The following ZC3H12B variants were observed in gnomAD, a reference collection of about 807,000 sequenced individuals.
ZC3H12B encodes the protein probable ribonuclease ZC3H12B.
Under a neutral mutation model 43.9 loss-of-function variants are expected in ZC3H12B, and 7 were observed. That is an observed-to-expected ratio of 0.16 (90% CI 0.09 to 0.30). ZC3H12B has a LOEUF of 0.30. ZC3H12B is among the 10% of genes least tolerant of loss of function. ZC3H12B has a pLI of 1.00. For synonymous variants in ZC3H12B, 222 were observed against 241.7 expected, an observed-to-expected ratio of 0.92 and a Z score of 0.76; for missense variants, 475 against 670.2, an observed-to-expected ratio of 0.71 and a Z score of 3.22.
the ZC3H12B span, among the ~76,000 whole-genome samples, chrX:65,274,941 G>C: frequency 1.2e-4 from 13 of 112,113 alleles, no homozygotes; most frequent in Non-Finnish European, 1.9e-4. Flanking sequence ...TCCAAGACCT[G>C]AGAAATAGAT....
At chrX:65,177,203 G>T in the ZC3H12B span, among the ~76,000 whole-genome samples, 6 of 111,986 alleles carry the variant, frequency 5.4e-5, no homozygotes, top group Non-Finnish European at 1.1e-4. Flanking sequence ...ATAGATGCAG[G>T]AAAGGCCTTC....
At chrX:65,212,818 G>C in the ZC3H12B span, among the ~76,000 whole-genome samples, 1 of 102,890 alleles carries the variant, frequency 9.7e-6, no homozygotes, top group Non-Finnish European at 2.0e-5. Context: ...TATCTGGTTT[G>C]CTCAACATTG....
In ZC3H12B at chrX:65,500,755, T is replaced by A. The variant is rs760954909; in HGVS notation, c.1090+766T>A. 1.3e-4 allele frequency among the ~76,000 whole-genome samples: 14 copies of A among 109,971 alleles called. No homozygotes were observed. In the East Asian group the frequency reaches 1.7e-3, roughly 13 times the overall value. On this transcript the variant is annotated intron_variant, in intron 4 of 4. Coordinates refer to ENST00000338957, the Ensembl canonical transcript of ZC3H12B. ...CTTTCCAGTTTTTGTTTTTTTTTTTTAAATAAATATAGTTTTCTAGAGTGT... is the reference window on the plus strand; with the variant it reads ...CTTTCCAGTTTTTGTTTTTTTTTTTAAAATAAATATAGTTTTCTAGAGTGT...
At chrX:65,151,401 T>C in the ZC3H12B span, among the ~76,000 whole-genome samples, 1 of 111,902 alleles carries the variant, frequency 8.9e-6, no homozygotes, top group Non-Finnish European at 1.9e-5. Context: ...AGAGAAAAAA[T>C]TGACATGTAG....
the ZC3H12B span, among the ~76,000 whole-genome samples, chrX:65,316,550 AG>A: frequency 8.9e-6 from 1 of 111,878 alleles, no homozygotes; most frequent in African/African-American, 3.2e-5. Flanking sequence ...AGCCAAACTA[AG>A]CTTCATAAGT....
At chrX:65,075,490 A>G in the ZC3H12B span, among the ~76,000 whole-genome samples, 1 of 112,010 alleles carries the variant, frequency 8.9e-6, no homozygotes, top group Non-Finnish European at 1.9e-5. Context: ...CCAGACATCT[A>G]GACTATGCCA....
At chrX:65,414,038 T>C (rs957924150) in intron 3 of ZC3H12B, among the ~76,000 whole-genome samples, 2 of 112,380 alleles carry the variant, frequency 1.8e-5, no homozygotes, top group Non-Finnish European at 3.8e-5. Context: ...TTGGGTGCTA[T>C]TGTAAATTGA....
At chrX:65,212,291 T>C in the ZC3H12B span, among the ~76,000 whole-genome samples, 1 of 50,924 alleles carries the variant, frequency 2.0e-5, no homozygotes, top group African/African-American at 8.0e-5. Flanking sequence ...AATTATAATA[T>C]ATTATATAAT....
intron 3 of ZC3H12B, among the ~76,000 whole-genome samples, chrX:65,441,155 C>T (rs1270364085): frequency 9.0e-6 from 1 of 111,700 alleles, no homozygotes; most frequent in Non-Finnish European, 1.9e-5. Flanking sequence ...AGAACTTGTG[C>T]CTCCCATTGC....
chrX:65,146,401 C>T, the ZC3H12B span, among the ~76,000 whole-genome samples: 111 of 111,974 alleles, frequency 9.9e-4, 2 homozygotes, highest in South Asian at 0.04. Context: ...TTGGGCTTCA[C>T]CTTTGTCTGA....
At chrX:65,479,203 A>T (rs1241520914) in intron 3 of ZC3H12B, among the ~76,000 whole-genome samples, 1 of 111,158 alleles carries the variant, frequency 9.0e-6, no homozygotes, top group South Asian at 3.8e-4. Context: ...GCTAATTCTC[A>T]TGGCTACTGT....
chrX:65,186,817 GAAT>G, the ZC3H12B span, among the ~76,000 whole-genome samples: 1 of 111,609 alleles, frequency 9.0e-6, no homozygotes, highest in Non-Finnish European at 1.9e-5. Flanking sequence ...GCTTCACTTG[GAAT>G]AATAGTCTCC....
chrX:65,055,134 T>C, the ZC3H12B span, among the ~76,000 whole-genome samples: 2 of 110,662 alleles, frequency 1.8e-5, no homozygotes, highest in East Asian at 2.8e-4. Flanking sequence ...TGAATAGGAG[T>C]GGTGAGAGAG....
At chrX:65,281,080 G>T in the ZC3H12B span, among the ~76,000 whole-genome samples, 1 of 110,590 alleles carries the variant, frequency 9.0e-6, no homozygotes, top group Non-Finnish European at 1.9e-5. Flanking sequence ...TGATTAAAAA[G>T]AATAAAGCTA....
chrX:65,424,803 C>T (rs2148092608), intron 3 of ZC3H12B, among the ~76,000 whole-genome samples: 1 of 111,506 alleles, frequency 9.0e-6, no homozygotes. Context: ...TCTGGGTTCT[C>T]TATTCTGTTT....
chrX:65,305,096 AATGAT>A, the ZC3H12B span, among the ~76,000 whole-genome samples: 1 of 112,217 alleles, frequency 8.9e-6, no homozygotes, highest in African/African-American at 3.2e-5. Context: ...TTAAAGTCAC[AATGAT>A]ATATCACCAC....
chrX:65,126,432 C>T, the ZC3H12B span, among the ~76,000 whole-genome samples: 1 of 111,300 alleles, frequency 9.0e-6, no homozygotes, highest in East Asian at 2.9e-4. Flanking sequence ...TTTCCTTCAT[C>T]TTGACTTTAG....
the ZC3H12B span, among the ~76,000 whole-genome samples, chrX:65,139,979 T>A: frequency 9.4e-6 from 1 of 106,597 alleles, no homozygotes; most frequent in Non-Finnish European, 2.0e-5. Context: ...GTTCTAAAAG[T>A]TTTTTTTTTG....
the ZC3H12B span, among the ~76,000 whole-genome samples, chrX:65,356,355 C>G: frequency 8.9e-6 from 1 of 112,178 alleles, no homozygotes; most frequent in African/African-American, 3.2e-5. Context: ...CACAGAGACA[C>G]CTACTGGCAA....
Sources: gnomAD v4.1 joint callset for allele counts (sites outside exome capture counted in the v4.1 genomes callset) on GRCh38, gnomAD v4.1.1 for gene constraint, MANE v1.5 for transcripts, NCBI Gene and HGNC (gene_info 2026-07-23, HGNC 2026-07-21) for gene names.